The following RARB variants were observed in gnomAD, a reference collection of about 807,000 sequenced individuals.
The protein encoded by RARB is HBV-activated protein.
A neutral mutation model predicts 51.9 loss-of-function variants in RARB; 17 were observed. The ratio of observed to expected loss-of-function variants is 0.33; its 90% CI spans 0.22 to 0.49. RARB has a LOEUF of 0.49. RARB is among the 20% of genes least tolerant of loss of function. The pLI is 0.99. For missense variants in RARB, 369 were observed against 550.8 expected (o/e 0.67, Z 3.30); for synonymous variants, 215 against 195.4 (o/e 1.10, Z -0.84).
At chr3:25,315,170 G>A (rs1476952530) in intron 5 of RARB, among the ~76,000 whole-genome samples, 1 of 152,038 alleles carries the variant, frequency 6.6e-6, no homozygotes, top group African/African-American at 2.4e-5. Flanking sequence ...TCTGTCTATA[G>A]GCTCTCTGGC....
At chr3:25,455,554 A>G (rs548478852) in intron 1 of RARB, among the ~76,000 whole-genome samples, 9 of 152,266 alleles carry the variant, frequency 5.9e-5, no homozygotes, top group African/African-American at 2.2e-4. Context: ...GGAGATGTCT[A>G]AAATAGGGGC....
chr3:24,868,954 A>G (rs2125347737), intron 2 of RARB, among the ~76,000 whole-genome samples: 1 of 152,212 alleles, frequency 6.6e-6, no homozygotes, highest in Admixed American at 6.5e-5. Context: ...CTGTACTCTG[A>G]CCACCTTGGG....
chr3:25,362,564 GC>G (rs1705978037), intron 5 of RARB, among the ~76,000 whole-genome samples: 3 of 152,184 alleles, frequency 2.0e-5, no homozygotes, highest in Non-Finnish European at 4.4e-5. Flanking sequence ...CCCAAAAGCT[GC>G]CCAGTTTTGT....
At chr3:25,250,253 T>C (rs2125401273) in intron 5 of RARB, among the ~76,000 whole-genome samples, 1 of 152,270 alleles carries the variant, frequency 6.6e-6, no homozygotes, top group African/African-American at 2.4e-5. Flanking sequence ...CCAGGCATGC[T>C]TGTGCATGGA....
At chr3:24,857,188 T>C (rs966342949) in intron 1 of RARB, among the ~76,000 whole-genome samples, 1 of 152,234 alleles carries the variant, frequency 6.6e-6, no homozygotes, top group Non-Finnish European at 1.5e-5. Flanking sequence ...TCATTCTTTT[T>C]AAAATTTCTC....
intron 2 of RARB, among the ~76,000 whole-genome samples, chr3:25,017,135 C>G (rs1286755533): frequency 6.6e-6 from 1 of 151,932 alleles, no homozygotes; most frequent in African/African-American, 2.4e-5. Context: ...AGATACCGTT[C>G]CTGTCATTGT....
At chr3:25,216,085 A>G (rs1027142951) in intron 5 of RARB, among the ~76,000 whole-genome samples, 1 of 152,148 alleles carries the variant, frequency 6.6e-6, no homozygotes. Flanking sequence ...ATACATATGT[A>G]CTTATTGTTA....
intron 2 of RARB, among the ~76,000 whole-genome samples, chr3:24,975,473 A>G (rs1292718519): frequency 6.6e-6 from 1 of 152,160 alleles, no homozygotes; most frequent in Admixed American, 6.5e-5. Context: ...GTTTTAATTC[A>G]ATGATTTAAT....
intron 3 of RARB, among the ~76,000 whole-genome samples, chr3:25,072,771 C>T (rs1167710465): frequency 4.0e-5 from 6 of 151,780 alleles, no homozygotes; most frequent in Admixed American, 6.6e-5. Flanking sequence ...TGCAGTGGCG[C>T]GATCTCGGCT....
At chr3:25,560,232 C>T (rs536791234) in intron 3 of RARB, among the ~76,000 whole-genome samples, 4 of 152,220 alleles carry the variant, frequency 2.6e-5, no homozygotes, top group South Asian at 2.1e-4. Flanking sequence ...TATAGACTGG[C>T]GTAAACCATT....
intron 4 of RARB, among the ~76,000 whole-genome samples, chr3:25,144,176 C>T (rs1285119688): frequency 6.6e-6 from 1 of 152,018 alleles, no homozygotes; most frequent in African/African-American, 2.4e-5. Context: ...TACATTCTTG[C>T]AGGGATGAAT....
intron 3 of RARB, among the ~76,000 whole-genome samples, chr3:25,568,472 A>G (rs958348681): frequency 2.6e-5 from 4 of 152,076 alleles, no homozygotes; most frequent in Non-Finnish European, 5.9e-5. Context: ...TCGTACAGAC[A>G]CTGACTTTGT....
chr3:24,864,723 T>G (rs1367101811), intron 2 of RARB, among the ~76,000 whole-genome samples: 1 of 13,070 alleles, frequency 7.7e-5, no homozygotes, highest in African/African-American at 9.2e-4. Flanking sequence ...TTTTTAAGTA[T>G]TTTTTTTATG....
intron 2 of RARB, among the ~76,000 whole-genome samples, chr3:25,004,739 C>T (rs914332774): frequency 6.6e-6 from 1 of 152,034 alleles, no homozygotes; most frequent in African/African-American, 2.4e-5. Context: ...TTAGCCTTTT[C>T]CAAATTTTGA....
chr3:24,944,201 C>A (rs1695727309), intron 2 of RARB, among the ~76,000 whole-genome samples: 1 of 152,174 alleles, frequency 6.6e-6, no homozygotes, highest in Non-Finnish European at 1.5e-5. Context: ...TTGTTTCTCT[C>A]ACTCACGGGC....
At chr3:25,078,336 A>C (rs1559458298) in intron 3 of RARB, among the ~76,000 whole-genome samples, 1 of 152,040 alleles carries the variant, frequency 6.6e-6, no homozygotes, top group Non-Finnish European at 1.5e-5. Context: ...ATTAATACTC[A>C]GTTTTTGCAA....
intron 2 of RARB, among the ~76,000 whole-genome samples, chr3:24,957,563 G>C (rs1696043587): frequency 6.6e-6 from 1 of 152,182 alleles, no homozygotes; most frequent in Non-Finnish European, 1.5e-5. Flanking sequence ...TCTCAGTAAA[G>C]CTATGATTAT....
chr3:25,187,708 G>T (rs948919347), intron 5 of RARB, among the ~76,000 whole-genome samples: 1 of 152,022 alleles, frequency 6.6e-6, no homozygotes, highest in African/African-American at 2.4e-5. Context: ...ATGGTGTTCA[G>T]GCTACAGAGA....
At chr3:25,165,579 A>G (rs1259812375) in intron 4 of RARB, among the ~76,000 whole-genome samples, 1 of 152,160 alleles carries the variant, frequency 6.6e-6, no homozygotes, top group Non-Finnish European at 1.5e-5. Flanking sequence ...GGAGGATTCC[A>G]TAATATGTAG....
Sources: allele counts gnomAD v4.1 joint callset (sites outside exome capture counted in the v4.1 genomes callset), GRCh38; gene constraint gnomAD v4.1.1; transcripts MANE v1.5; gene names NCBI Gene and HGNC (gene_info 2026-07-23, HGNC 2026-07-21).